The following CTNNA3 variants were observed in gnomAD, a reference collection of about 807,000 sequenced individuals.
CTNNA3 encodes catenin alpha 3.
In CTNNA3, 76 loss-of-function variants were observed where a neutral mutation model predicts 95.7. The ratio of observed to expected loss-of-function variants is 0.79; its 90% CI spans 0.66 to 0.96. The LOEUF is 0.96. CTNNA3 is among the 40% of genes least tolerant of loss of function. The pLI is 0.00. For synonymous variants in CTNNA3, 431 were observed against 374.4 expected (o/e 1.15, Z -1.74); for missense variants, 1,191 against 1,089.8 (o/e 1.09, Z -1.31).
intron 7 of CTNNA3, among the ~76,000 whole-genome samples, chr10:67,130,802 G>C (rs1352773001): frequency 6.6e-6 from 1 of 152,042 alleles, no homozygotes; most frequent in Non-Finnish European, 1.5e-5. Flanking sequence ...GGACCTGGTA[G>C]ACGATATCCA....
At chr10:66,971,927 T>C (rs558852900) in intron 7 of CTNNA3, among the ~76,000 whole-genome samples, 1 of 152,194 alleles carries the variant, frequency 6.6e-6, no homozygotes, top group South Asian at 2.1e-4. Context: ...GCTAATGTAC[T>C]TCAGTATATT....
intron 9 of CTNNA3, among the ~76,000 whole-genome samples, chr10:66,680,333 G>T (rs908787717): frequency 6.6e-6 from 1 of 151,842 alleles, no homozygotes; most frequent in African/African-American, 2.4e-5. Context: ...CCTGGCCAGT[G>T]AGCCTTATTC....
intron 7 of CTNNA3, among the ~76,000 whole-genome samples, chr10:66,923,714 T>C (rs1345187707): frequency 1.3e-5 from 2 of 152,232 alleles, no homozygotes; most frequent in East Asian, 1.9e-4. Context: ...TTCTAGTTTT[T>C]GTCTTTGTAT....
intron 12 of CTNNA3, among the ~76,000 whole-genome samples, chr10:66,324,958 C>G (rs1430325000): frequency 6.6e-6 from 1 of 150,754 alleles, no homozygotes; most frequent in Non-Finnish European, 1.5e-5. Context: ...AGAAGTAAAC[C>G]CAAACAGAGC....
intron 9 of CTNNA3, among the ~76,000 whole-genome samples, chr10:66,661,409 G>A (rs142190119): frequency 6.6e-6 from 1 of 152,058 alleles, no homozygotes; most frequent in Non-Finnish European, 1.5e-5. Flanking sequence ...CGCCCCCTAT[G>A]ATTCAAATCC....
chr10:65,943,450 A>G (rs938361556), intron 17 of CTNNA3, among the ~76,000 whole-genome samples: 1 of 152,230 alleles, frequency 6.6e-6, no homozygotes, highest in Non-Finnish European at 1.5e-5. Flanking sequence ...GGATTCTCTA[A>G]AAGAAGTAAT....
intron 9 of CTNNA3, among the ~76,000 whole-genome samples, chr10:66,696,002 C>T (rs1392315740): frequency 6.6e-6 from 1 of 151,628 alleles, no homozygotes; most frequent in African/African-American, 2.4e-5. Context: ...GCCAGAAGTT[C>T]AAGTCATTAA....
chr10:67,085,391 G>GA (rs944563252), intron 7 of CTNNA3, among the ~76,000 whole-genome samples: 12 of 147,238 alleles, frequency 8.2e-5, no homozygotes, highest in East Asian at 2.0e-4. Context: ...ATGCAACTGT[G>GA]AAAAAAAAAA....
At chr10:65,927,998 T>C (rs972234223) in intron 17 of CTNNA3, among the ~76,000 whole-genome samples, 3 of 152,184 alleles carry the variant, frequency 2.0e-5, no homozygotes, top group Non-Finnish European at 2.9e-5. Flanking sequence ...TTAGGAATTT[T>C]GATGAGCATA....
At chr10:66,931,144 G>A (rs571022989) in intron 7 of CTNNA3, among the ~76,000 whole-genome samples, 12 of 137,004 alleles carry the variant, frequency 8.8e-5, no homozygotes, top group Non-Finnish European at 1.8e-4. Context: ...TATTTTTCTA[G>A]TACGTATTTA....
chr10:66,515,585 C>G (rs1840820695), intron 11 of CTNNA3, among the ~76,000 whole-genome samples: 1 of 152,022 alleles, frequency 6.6e-6, no homozygotes, highest in Non-Finnish European at 1.5e-5. Context: ...TAAAGAACTT[C>G]CCAAGACTGG....
chr10:67,726,486 T>TA (rs1841223555), intron 1 of CTNNA3, among the ~76,000 whole-genome samples: 5 of 60,258 alleles, frequency 8.3e-5, no homozygotes, highest in African/African-American at 3.7e-4. Flanking sequence ...ATATATTATA[T>TA]CATATACAAT....
intron 6 of CTNNA3, among the ~76,000 whole-genome samples, chr10:67,188,933 A>G (rs1862991259): frequency 6.6e-6 from 1 of 152,134 alleles, no homozygotes; most frequent in African/African-American, 2.4e-5. Context: ...CCTGGGCAAC[A>G]TGGCAAAATC....
intron 10 of CTNNA3, among the ~76,000 whole-genome samples, chr10:66,557,467 G>A (rs919695571): frequency 6.6e-6 from 1 of 152,018 alleles, no homozygotes; most frequent in African/African-American, 2.4e-5. Flanking sequence ...TTCAGTCTCT[G>A]GTCAAAAACA....
chr10:66,285,670 T>C (rs989598285), intron 12 of CTNNA3, among the ~76,000 whole-genome samples: 4 of 151,766 alleles, frequency 2.6e-5, no homozygotes, highest in African/African-American at 9.7e-5. Context: ...TTTATTTATT[T>C]TAAATTGTTA....
chr10:67,639,139 A>G (rs1839431275), intron 2 of CTNNA3, among the ~76,000 whole-genome samples: 1 of 152,148 alleles, frequency 6.6e-6, no homozygotes, highest in Non-Finnish European at 1.5e-5. Context: ...AAAAAGAAGA[A>G]TCAAATAGAC....
chr10:66,108,528 A>G (rs1051672977), intron 13 of CTNNA3, among the ~76,000 whole-genome samples: 1 of 151,540 alleles, frequency 6.6e-6, no homozygotes, highest in Admixed American at 6.6e-5. Flanking sequence ...CATTTCATTT[A>G]TTTCTTATAT....
intron 17 of CTNNA3, among the ~76,000 whole-genome samples, chr10:65,960,645 C>T (rs972290639): frequency 6.6e-6 from 1 of 152,200 alleles, no homozygotes; most frequent in Admixed American, 6.5e-5. Context: ...TAGTACCCAA[C>T]AGGAATTTTT....
intron 15 of CTNNA3, among the ~76,000 whole-genome samples, chr10:66,011,882 T>G (rs537022321): frequency 6.6e-6 from 1 of 152,272 alleles, no homozygotes; most frequent in African/African-American, 2.4e-5. Flanking sequence ...TGTTAATTTG[T>G]TATGCGTGTG....
Sources: gnomAD v4.1 joint callset for allele counts (sites outside exome capture counted in the v4.1 genomes callset) on GRCh38, gnomAD v4.1.1 for gene constraint, MANE v1.5 for transcripts, NCBI Gene and HGNC (gene_info 2026-07-23, HGNC 2026-07-21) for gene names.